The following VPS29 variants were observed in gnomAD, a reference collection of about 807,000 sequenced individuals.
VPS29 encodes vacuolar protein sorting-associated protein 29.
VPS29 carries 2 observed loss-of-function variants against 20.0 expected under a neutral mutation model. The observed-to-expected ratio is 0.10, with a 90% CI of 0.04 to 0.31. The LOEUF (loss-of-function observed/expected upper bound fraction) is 0.31. VPS29 is among the 10% of genes least tolerant of loss of function. VPS29 has a pLI of 1.00. For synonymous variants in VPS29, 81 were observed against 79.3 expected, an observed-to-expected ratio of 1.02 and a Z score of -0.12; for missense variants, 120 against 215.3, an observed-to-expected ratio of 0.56 and a Z score of 2.77.
At chr12:110,493,564 G>C (rs1321686480) in intron 2 of VPS29, among the ~76,000 whole-genome samples, 1 of 152,036 alleles carries the variant, frequency 6.6e-6, no homozygotes, top group Non-Finnish European at 1.5e-5. Context: ...GTCTCACCAT[G>C]TTGGCCAGGC....
In VPS29 at chr12:110,491,827, T is replaced by C; in HGVS notation, c.*178A>G. 1 of 578,910 alleles carries C rather than the reference T, an allele frequency of 1.7e-6. No individual in the cohort carries two copies. Among genetic ancestry groups the C allele is most frequent in the South Asian group, 2.2e-5 (1 of 46,320 alleles). The allele number at this position is 578,910 out of a possible 1,614,324, so 35.9% of individuals were successfully genotyped here. A position where few individuals can be genotyped will look rare whatever the true frequency, so the allele number is the denominator to read the frequency against. Reference sequence around the variant, plus strand: ...TAGAATCCATATACTGTAAACTAAATATATTCTTATAGTTTACAGGAAGCT... The same window carrying C: ...TAGAATCCATATACTGTAAACTAAACATATTCTTATAGTTTACAGGAAGCT... On this transcript the variant is annotated 3_prime_UTR_variant, in exon 4 of 4. Transcript: ENST00000549578.
chr12:110,499,576 C>G, intron 1 of VPS29: 1 of 1,540,852 alleles, frequency 6.5e-7, no homozygotes. Flanking sequence ...TGATTGCAGA[C>G]AGGGGGGATG....
chr12:110,497,719 T>A (rs2062931342), intron 1 of VPS29, among the ~76,000 whole-genome samples: 1 of 151,566 alleles, frequency 6.6e-6, no homozygotes, highest in Admixed American at 6.6e-5. Context: ...GGTAAAACAC[T>A]GTCTTTACTA....
At chr12:110,501,719 G>T in intron 1 of VPS29, 1 of 1,264,502 alleles carries the variant, frequency 7.9e-7, no homozygotes, top group Non-Finnish European at 1.1e-6. Flanking sequence ...CCCTATCCCC[G>T]GAACATTCGA....
intron 2 of VPS29, among the ~76,000 whole-genome samples, chr12:110,494,127 T>G (rs1213864165): frequency 6.6e-6 from 1 of 152,018 alleles, no homozygotes; most frequent in Non-Finnish European, 1.5e-5. Flanking sequence ...TTATCCAAAC[T>G]CTTTTTAAAA....
In VPS29 at chr12:110,491,829, T is replaced by C. The variant is rs1055707919; in HGVS notation, c.*176A>G. 1.5e-4 allele frequency: 85 copies of C among 581,500 alleles called. No homozygotes were observed. The highest frequency in any genetic ancestry group is 1.4e-3 in the Middle Eastern group (3 of 2,184). The allele number at this position is 581,500 out of a possible 1,614,324, so 36.0% of individuals were successfully genotyped here. A position where few individuals can be genotyped will look rare whatever the true frequency, so the allele number is the denominator to read the frequency against. On this transcript the variant is annotated 3_prime_UTR_variant, in exon 4 of 4. Coordinates refer to ENST00000549578, the MANE Select transcript of VPS29 (RefSeq NM_016226.5). ...GAATCCATATACTGTAAACTAAATA[T>C]ATTCTTATAGTTTACAGGAAGCTTG...
chr12:110,494,858 G>A (rs1007772664), intron 2 of VPS29, among the ~76,000 whole-genome samples: 2 of 151,806 alleles, frequency 1.3e-5, no homozygotes, highest in African/African-American at 2.4e-5. Context: ...TAGCTGGGAC[G>A]ACAGGCGCCC....
At chr12:110,497,890 C>T (rs2062933904) in intron 1 of VPS29, among the ~76,000 whole-genome samples, 1 of 151,776 alleles carries the variant, frequency 6.6e-6, no homozygotes, top group Non-Finnish European at 1.5e-5. Context: ...GGCACTCCAG[C>T]CTGGGCAGCA....
chr12:110,492,597 T>TA (rs1369736984), intron 3 of VPS29, among the ~76,000 whole-genome samples: 3 of 138,644 alleles, frequency 2.2e-5, no homozygotes, highest in African/African-American at 8.2e-5. Flanking sequence ...CATTTATTTT[T>TA]ATTTTATTTA....
Sources: allele counts gnomAD v4.1 joint callset (sites outside exome capture counted in the v4.1 genomes callset), GRCh38; gene constraint gnomAD v4.1.1; transcripts MANE v1.5; gene names NCBI Gene and HGNC (gene_info 2026-07-23, HGNC 2026-07-21).